Variants in CHN2 observed in about 807,000 individuals in gnomAD.
CHN2 encodes the protein chimerin 2.
A neutral mutation model predicts 56.3 loss-of-function variants in CHN2; 35 were observed. The observed-to-expected ratio is 0.62, with a 90% CI of 0.47 to 0.82. The LOEUF (loss-of-function observed/expected upper bound fraction) is 0.82, where lower values mean the gene tolerates loss of function less well. CHN2 is among the 40% of genes least tolerant of loss of function. CHN2 has a pLI of 0.00. For missense variants in CHN2, 491 were observed against 580.5 expected (o/e 0.85, Z 1.58); for synonymous variants, 210 against 212.8 (o/e 0.99, Z 0.12).
At chr7:29,276,183 G>A (rs1448194308) in intron 1 of CHN2, among the ~76,000 whole-genome samples, 1 of 148,002 alleles carries the variant, frequency 6.8e-6, no homozygotes, top group African/African-American at 2.5e-5. Flanking sequence ...TTTCCAAGCA[G>A]CACCTGAGTA....
intron 3 of CHN2, 73 bp downstream of exon 3, chr7:29,368,060 G>T: frequency 7.9e-7 from 1 of 1,273,004 alleles, no homozygotes. Context: ...AGAGTGGAGG[G>T]ATTTCAGGTT....
intron 6 of CHN2, among the ~76,000 whole-genome samples, chr7:29,405,161 C>CACACACACA (rs1554287645): frequency 2.0e-5 from 1 of 49,810 alleles, no homozygotes; most frequent in African/African-American, 6.0e-5. Flanking sequence ...GCTTATGTCA[C>CACACACACA]CATACACACA....
intron 1 of CHN2, among the ~76,000 whole-genome samples, chr7:29,220,002 G>T (rs1248540034): frequency 1.3e-5 from 2 of 152,116 alleles, no homozygotes; most frequent in South Asian, 4.1e-4. Flanking sequence ...TTGAACCCAG[G>T]AGGCGGAGGT....
chr7:29,260,450 C>G (rs1391422965), intron 1 of CHN2, among the ~76,000 whole-genome samples: 2 of 152,022 alleles, frequency 1.3e-5, no homozygotes, highest in African/African-American at 2.4e-5. Context: ...TGGAGAGGAG[C>G]ATCAGAGGTG....
chr7:29,348,668 A>C (rs1797651955), intron 1 of CHN2, among the ~76,000 whole-genome samples: 1 of 152,102 alleles, frequency 6.6e-6, no homozygotes, highest in South Asian at 2.1e-4. Flanking sequence ...AATACTGTAC[A>C]TGCTGTGTGT....
At chr7:29,313,564 A>C (rs1794740359) in intron 1 of CHN2, among the ~76,000 whole-genome samples, 1 of 152,070 alleles carries the variant, frequency 6.6e-6, no homozygotes, top group Non-Finnish European at 1.5e-5. Context: ...GGTGGGCCAC[A>C]CTCTAGGAAA....
rs533939303 is a variant in CHN2, at chr7:29,350,700, G to A, written c.50-3925G>A. On this transcript the variant is annotated intron_variant, in intron 1 of 12. Coordinates refer to ENST00000222792, the MANE Select transcript of CHN2 (RefSeq NM_004067.4). ...GCACGGGCTCACCTGGGAAGGATCA[G>A]GGCGAGGTGATGTAACAATAACAAC... Among the ~76,000 whole-genome samples, 94 of 152,324 alleles carry A rather than the reference G, an allele frequency of 6.2e-4. 1 individual carries two copies. The highest frequency in any genetic ancestry group is 1.7e-3 in the South Asian group (8 of 4,824).
chr7:29,176,277 T>TA (rs1167227046), intron 2 of CHN2, among the ~76,000 whole-genome samples: 1 of 151,748 alleles, frequency 6.6e-6, no homozygotes, highest in East Asian at 1.9e-4. Context: ...AGAAGGCCAA[T>TA]AGGTCCTGAG....
rs545422487 is a variant in CHN2 at position 29,241,138 on chromosome 7, G to A, written c.49+46148G>A. On this transcript the variant is annotated intron_variant, in intron 1 of 12. Coordinates refer to ENST00000222792, the MANE Select transcript of CHN2 (RefSeq NM_004067.4). ...TGACCTCAAGGGATCCTCCCGCCTC[G>A]GCCTTCCAAAGTGCTGAGATTACAG... 9.9e-5 allele frequency among the ~76,000 whole-genome samples: 15 copies of A among 152,186 alleles called. No homozygotes were observed. The East Asian group carries it at 2.1e-3, about 22-fold the overall frequency.
chr7:29,308,825 A>G (rs1304636453), intron 1 of CHN2, among the ~76,000 whole-genome samples: 3 of 152,238 alleles, frequency 2.0e-5, no homozygotes, highest in Non-Finnish European at 4.4e-5. Flanking sequence ...ATTAGCCTCT[A>G]TGAAAACACC....
At chr7:29,188,543 A>T (rs1373710317) in intron 2 of CHN2, among the ~76,000 whole-genome samples, 3 of 151,014 alleles carry the variant, frequency 2.0e-5, no homozygotes, top group African/African-American at 4.9e-5. Context: ...TTTTTTTTTA[A>T]AAAAAAGAGG....
chr7:29,471,468 C>T (rs903522759), intron 6 of CHN2, among the ~76,000 whole-genome samples: 15 of 152,168 alleles, frequency 9.9e-5, no homozygotes, highest in Non-Finnish European at 1.8e-4. Flanking sequence ...CACGATCAGC[C>T]AACCCAGGAA....
At chr7:29,211,388 T>C (rs373280876) in intron 1 of CHN2, among the ~76,000 whole-genome samples, 21 of 150,510 alleles carry the variant, frequency 1.4e-4, no homozygotes, top group African/African-American at 4.7e-4. Context: ...CTGACTGAGG[T>C]TTTAACAGAT....
intron 2 of CHN2, among the ~76,000 whole-genome samples, chr7:29,363,211 C>T (rs1026919466): frequency 3.3e-5 from 5 of 152,194 alleles, no homozygotes; most frequent in Admixed American, 6.5e-5. Flanking sequence ...CAAGGCTGAG[C>T]GTGGTGGCTC....
chr7:29,447,738 TC>T (rs1784128883), intron 6 of CHN2, among the ~76,000 whole-genome samples: 1 of 152,176 alleles, frequency 6.6e-6, no homozygotes, highest in Non-Finnish European at 1.5e-5. Flanking sequence ...GTGGTAGTTT[TC>T]CAGGTATATA....
At chr7:29,413,466 A>T (rs558582146) in intron 6 of CHN2, among the ~76,000 whole-genome samples, 193 of 152,206 alleles carry the variant, frequency 1.3e-3, no homozygotes, top group Non-Finnish European at 2.5e-3. Flanking sequence ...AGGGACTTTT[A>T]TTATGTTAAT....
intron 3 of CHN2, among the ~76,000 whole-genome samples, chr7:29,390,053 CAA>C (rs59954760): frequency 4.1e-5 from 5 of 121,964 alleles, no homozygotes; most frequent in Non-Finnish European, 3.3e-5. Context: ...GACACTGTCT[CAA>C]AAAAAAAAAA....
At chr7:29,274,223 A>G (rs79409725) in intron 1 of CHN2, among the ~76,000 whole-genome samples, 2,678 of 152,258 alleles carry the variant, frequency 0.018, 87 homozygotes, top group African/African-American at 0.062. Flanking sequence ...TTGCTCATGG[A>G]CTGGCAACAG....
rs1166785673 is a variant in CHN2 at position 29,244,848 on chromosome 7, C to T, written c.49+49858C>T. Among the ~76,000 whole-genome samples, 3 of 152,128 alleles carry T rather than the reference C, an allele frequency of 2.0e-5. No individual in the cohort carries two copies. The East Asian group carries it at 5.8e-4, about 29-fold the overall frequency. ...CTCCCTCTATATAAACCTTCTAGAC[C>T]TCAAACTCTGTGATCCCAGGCCCCA... On this transcript the variant is annotated intron_variant, in intron 1 of 12. Coordinates refer to ENST00000222792, the MANE Select transcript of CHN2 (RefSeq NM_004067.4).
Sources: allele counts gnomAD v4.1 joint callset (sites outside exome capture counted in the v4.1 genomes callset), GRCh38; gene constraint gnomAD v4.1.1; transcripts MANE v1.5; gene names NCBI Gene and HGNC (gene_info 2026-07-23, HGNC 2026-07-21).